INPP5B: variants seen among roughly 807,000 people sequenced by gnomAD.
INPP5B encodes type II inositol 1,4,5-trisphosphate 5-phosphatase.
In INPP5B, 90 loss-of-function variants were observed where a neutral mutation model predicts 118.5. The observed-to-expected ratio is 0.76, with a 90% CI of 0.64 to 0.90. INPP5B has a LOEUF of 0.90. INPP5B is among the 40% of genes least tolerant of loss of function. The probability of loss-of-function intolerance (pLI) is 0.00; values close to 1 mark genes in which losing one functional copy is unlikely to be tolerated. For synonymous variants in INPP5B, 385 were observed against 418.9 expected (o/e 0.92, Z 0.99); for missense variants, 984 against 1,125.6 (o/e 0.87, Z 1.80).
chr1:37,903,663 C>T (rs1279814901), intron 7 of INPP5B, among the ~76,000 whole-genome samples: 1 of 151,462 alleles, frequency 6.6e-6, no homozygotes, highest in Non-Finnish European at 1.5e-5. Flanking sequence ...GGAGGTGGAG[C>T]TTGCAGTGAG....
At chr1:37,899,425 G>A (rs756565469) in intron 7 of INPP5B, among the ~76,000 whole-genome samples, 6 of 151,610 alleles carry the variant, frequency 4.0e-5, no homozygotes, top group Non-Finnish European at 5.9e-5. Context: ...AGCCAGCCGT[G>A]GTAGCACATG....
Position 37,931,016 on chromosome 1 carries a change from G to A in INPP5B, c.532+897C>T, listed in dbSNP as rs144656705. Reference sequence around the variant, plus strand: ...GGTCTGCAGGTCCTCCCAGAGCACGGACTCACCCAAATTTCAGCCCTGAGC... The same window carrying A: ...GGTCTGCAGGTCCTCCCAGAGCACGAACTCACCCAAATTTCAGCCCTGAGC... On this transcript the variant is annotated intron_variant, in intron 7 of 23. Transcript: ENST00000373024. 7.2e-3 allele frequency: 1,133 copies of A among 157,728 alleles called. 7 individuals carry two copies. Among genetic ancestry groups the A allele is most frequent in the Non-Finnish European group, 0.011 (762 of 71,442 alleles). The allele number at this position is 157,728 out of a possible 1,614,324, so 9.8% of individuals were successfully genotyped here. A position where few individuals can be genotyped will look rare whatever the true frequency, so the allele number is the denominator to read the frequency against.
chr1:37,862,872 A>G (rs1641780564), intron 23 of INPP5B, among the ~76,000 whole-genome samples: 1 of 151,998 alleles, frequency 6.6e-6, no homozygotes, highest in Non-Finnish European at 1.5e-5. Flanking sequence ...TACTAAAAAT[A>G]ACAAAAATTA....
intron 21 of INPP5B, among the ~76,000 whole-genome samples, chr1:37,866,172 T>C (rs1334581881): frequency 2.0e-5 from 3 of 152,262 alleles, no homozygotes; most frequent in Non-Finnish European, 2.9e-5. Context: ...TGTGGTAGTA[T>C]GCACCTGTGG....
chr1:37,932,418 G>C (rs769649616), intron 6 of INPP5B, among the ~76,000 whole-genome samples: 2 of 140,762 alleles, frequency 1.4e-5, no homozygotes, highest in Non-Finnish European at 3.0e-5. Flanking sequence ...GCCTAAGCTG[G>C]AGTGCAGTGG....
chr1:37,899,647 A>C (rs1390885318), intron 7 of INPP5B, among the ~76,000 whole-genome samples: 1 of 152,182 alleles, frequency 6.6e-6, no homozygotes, highest in African/African-American at 2.4e-5. Flanking sequence ...TTAGGGCCAA[A>C]TAAGTATTTA....
chr1:37,868,509 C>T lies in INPP5B; in HGVS notation c.2293G>A (p.Val765Ile), dbSNP rs746619799. The T allele has an allele frequency of 1.9e-6, 3 of 1,611,822 alleles. No homozygotes were observed. In the South Asian group the frequency reaches 3.3e-5, roughly 18 times the overall value. Residue 765 changes from valine (V) to isoleucine (I), a missense_variant, in exon 20 of 24, where the codon GTC (valine) becomes ATC (isoleucine). By Grantham distance (29) the Val-to-Ile change is conservative. Transcript: ENST00000373024. ...MMVDYLYRNA[V>I]QQEDLFQQPG... ...GCTTAAACACAACCTACCTGCTGGA[C>T]AGCATTTCGGTACAGGTAATCAACC... is the stretch of plus-strand genomic sequence containing the variant.
At chr1:37,891,484 A>G (rs1643841536) in intron 7 of INPP5B, 30 bp from the exon 8 acceptor site, 18 of 1,490,964 alleles carry the variant, frequency 1.2e-5, no homozygotes, top group Non-Finnish European at 1.7e-5. Flanking sequence ...ATTAAAATAT[A>G]CATACATAGG....
chr1:37,935,406 C>A (rs1445156677), intron 6 of INPP5B, among the ~76,000 whole-genome samples: 9 of 151,082 alleles, frequency 6.0e-5, no homozygotes, highest in Non-Finnish European at 1.2e-4. Context: ...ATTGGTCAGG[C>A]TGGTCTTGAA....
Position 37,885,668 on chromosome 1 carries a change from C to G in INPP5B, c.1289G>C (p.Ser430Thr). The G allele has an allele frequency of 6.2e-7, 1 of 1,613,958 alleles. No homozygotes were observed. The highest frequency in any genetic ancestry group is 8.5e-7 in the Non-Finnish European group (1 of 1,180,000). ...SRMQFCQPDP[S>T]LPPLTISNHD... is the part of the protein sequence containing the mutation. Reference sequence around the variant, plus strand: ...GTTGCTGATGGTGAGAGGGGGAAGGCTTGGGTCAGGCTGACAAAACTGCAT... The same window carrying G: ...GTTGCTGATGGTGAGAGGGGGAAGGGTTGGGTCAGGCTGACAAAACTGCAT... Residue 430 changes from serine (S) to threonine (T), a missense_variant, in exon 13 of 24, where the codon AGC becomes ACC. Ser to Thr is a moderately conservative substitution (Grantham distance 58). Around this residue, in one of 2 missense-constraint regions of INPP5B, gnomAD observed 634 missense variants for 791.0 expected, o/e 0.80. Transcript: ENST00000373024.
chr1:37,895,807 A>G (rs1260709452), intron 7 of INPP5B, among the ~76,000 whole-genome samples: 1 of 152,096 alleles, frequency 6.6e-6, no homozygotes, highest in African/African-American at 2.4e-5. Context: ...AGTCTCGTTC[A>G]CTCAGTGCTC....
At position 37,899,049 on chromosome 1, in the gene INPP5B, C is replaced by T. The variant is rs190223977; in HGVS notation, c.533-7595G>A. On this transcript the variant is annotated intron_variant, in intron 7 of 23. Transcript: ENST00000373024. The stretch of plus-strand genomic sequence containing the variant: ...ATGCAAAATTAGCCAGGTGTGGTGG[C>T]GCATGCCTGTAATCCCAGCTACTTG... Among the ~76,000 whole-genome samples the T allele has an allele frequency of 2.7e-3, 403 of 151,712 alleles. 4 individuals are homozygous for T. Among genetic ancestry groups the T allele is most frequent in the Admixed American group, 1.3e-3 (20 of 15,210 alleles).
rs1641993731 is a variant in INPP5B, at chr1:37,865,829, G to C, written c.2446C>G (p.Pro816Ala). 6.2e-7 allele frequency: 1 copy of C among 1,613,676 alleles called. No homozygotes were observed. The highest frequency in any genetic ancestry group is 8.5e-7 in the Non-Finnish European group (1 of 1,179,816). The part of the protein sequence containing the change: ...LLLFLESLPE[P>A]VICYSTYHNC... ...TGGTAGGTGCTGTAACAGATGACAG[G>C]CTCTGGAAGGCTCTCCAGGAAAAGC... Residue 816 changes from proline (P) to alanine (A), a missense_variant, in exon 22 of 24, where the codon CCT (proline) becomes GCT (alanine). Transcript: ENST00000373024.
chr1:37,914,150 C>T (rs565335516), intron 7 of INPP5B, among the ~76,000 whole-genome samples: 130 of 152,300 alleles, frequency 8.5e-4, no homozygotes, highest in African/African-American at 3.0e-3. Flanking sequence ...TGTTGGTGGA[C>T]TCTTCACATG....
At position 37,903,222 on chromosome 1, in the gene INPP5B, G is replaced by A. The variant is rs375188482; in HGVS notation, c.533-11768C>T. ...ACAAGGCACAGGTCATAAAGACCTT[G>A]CTGATAAAACAGGCTGCAGTAAAGA... On this transcript the variant is annotated intron_variant, in intron 7 of 23. Transcript: ENST00000373024. 2.6e-5 allele frequency among the ~76,000 whole-genome samples: 4 copies of A among 152,126 alleles called. No homozygotes were observed. The East Asian group carries it at 7.7e-4, about 29-fold the overall frequency.
At chr1:37,912,922 TCA>T (rs543784424) in intron 7 of INPP5B, among the ~76,000 whole-genome samples, 130 of 144,716 alleles carry the variant, frequency 9.0e-4, no homozygotes, top group Admixed American at 2.1e-3. Flanking sequence ...TCCTCTAAAA[TCA>T]CAGAGGCCTC....
At chr1:37,872,063 CAAAA>C (rs34131982) in intron 19 of INPP5B, among the ~76,000 whole-genome samples, 22,385 of 56,776 alleles carry the variant, frequency 0.39, 1,897 homozygotes, top group Middle Eastern at 0.52. Context: ...GACTCCATCT[CAAAA>C]AAAAAAAAAA....
chr1:37,926,104 GC>G (rs1229299479), intron 7 of INPP5B, among the ~76,000 whole-genome samples: 1 of 152,162 alleles, frequency 6.6e-6, no homozygotes, highest in Non-Finnish European at 1.5e-5. Flanking sequence ...CACCCCGGGG[GC>G]TATTTTGCTA....
intron 11 of INPP5B, 133 bp from the exon 12 acceptor site, chr1:37,887,137 G>C (rs963595815): frequency 1.3e-6 from 1 of 791,668 alleles, no homozygotes; most frequent in Non-Finnish European, 2.1e-6. Flanking sequence ...GTAATCATCT[G>C]TTCAATTCAC....
Sources: gnomAD v4.1 joint callset for allele counts (sites outside exome capture counted in the v4.1 genomes callset) on GRCh38, gnomAD v4.1.1 for gene constraint, gnomAD v4.1.1 regional missense constraint, MANE v1.5 for transcripts, NCBI Gene and HGNC (gene_info 2026-07-23, HGNC 2026-07-21) for gene names.